Variants in ITGAX observed in about 807,000 individuals in gnomAD.
ITGAX encodes integrin alpha-X.
A neutral mutation model predicts 140.2 loss-of-function variants in ITGAX; 99 were observed. That is an observed-to-expected ratio of 0.71 (90% CI 0.60 to 0.83). The LOEUF is 0.83. Among genes scored for constraint, ITGAX ranks in the 40% least tolerant of loss-of-function variants. ITGAX has a pLI of 0.00. For synonymous variants in ITGAX, 631 were observed against 600.4 expected, an observed-to-expected ratio of 1.05 and a Z score of -0.75; for missense variants, 1,444 against 1,482.0, an observed-to-expected ratio of 0.97 and a Z score of 0.42.
chr16:31,362,313 G>A, intron 11 of ITGAX, 109 bp downstream of exon 11: 2 of 1,468,128 alleles, frequency 1.4e-6, no homozygotes, highest in Non-Finnish European at 1.8e-6. Flanking sequence ...GTGGGGTCCA[G>A]GCTTCTGGGG....
Position 31,380,389 on chromosome 16 carries a change from T to G in ITGAX, c.3174+10T>G. ...TGGCTGGGTCCGCCAGGTGTGTGGG[T>G]GCAACGACAGAGCCCCTGCCCCAGA... On this transcript the variant is annotated intron_variant, in intron 27 of 29. Transcript: ENST00000268296. 3 of 1,613,482 alleles carry G rather than the reference T, an allele frequency of 1.9e-6. No individual in the cohort carries two copies.
chr16:31,359,968 G>A lies in ITGAX; in HGVS notation c.610G>A (p.Glu204Lys), dbSNP rs1341042464. The part of the protein sequence containing the change: ...SNKFQTHFTF[E>K]EFRRSSNPLS... The stretch of plus-strand genomic sequence containing the variant: ...CAAATTCCAAACACACTTCACTTTC[G>A]AGGAATTCAGGCGCAGCTCAAACCC... The change falls in exon 7 of 30, where the codon GAG becomes AAG. Residue 204 changes from glutamate to lysine, a missense_variant. Coordinates refer to ENST00000268296, the MANE Select transcript of ITGAX (RefSeq NM_000887.5). The A allele has an allele frequency of 5.6e-6, 9 of 1,614,100 alleles. No homozygotes were observed. The highest frequency in any genetic ancestry group is 2.2e-5 in the East Asian group (1 of 44,878).
intron 28 of ITGAX, 82 bp from the exon 29 acceptor site, chr16:31,380,815 G>A (rs2081062442): frequency 1.5e-6 from 2 of 1,340,456 alleles, no homozygotes; most frequent in South Asian, 2.4e-5. Flanking sequence ...AGGAGGGGAG[G>A]GAGTTAAAGG....
chr16:31,364,316 TACTC>T (rs2080869177), intron 14 of ITGAX, among the ~76,000 whole-genome samples: 1 of 150,778 alleles, frequency 6.6e-6, no homozygotes. Flanking sequence ...TAGTCCCAAT[TACTC>T]GGGAGGCTGA....
intron 14 of ITGAX, among the ~76,000 whole-genome samples, chr16:31,367,133 C>G (rs1006117886): frequency 6.6e-6 from 1 of 152,054 alleles, no homozygotes; most frequent in Non-Finnish European, 1.5e-5. Flanking sequence ...GGCTGAGAGA[C>G]GTGAGGAAGC....
In ITGAX at chr16:31,373,366, C is replaced by T. The variant is rs11574641; in HGVS notation, c.2484C>T (p.Ser828=). 11,043 of 1,612,708 alleles carry T rather than the reference C, an allele frequency of 6.8e-3. 569 individuals are homozygous for T. The African/African-American group carries it at 0.12, about 17-fold the overall frequency. Residue 828 remains serine, a synonymous_variant, in exon 20 of 30, where the codon TCC becomes TCT. Transcript: ENST00000268296. The stretch of plus-strand genomic sequence containing the variant: ...CCTTCTCCCACCCCGCAGGACTGTC[C>T]TACCGCTACGTGGCAGAGGGCCAGG... ...TITFSHPAGL[S]YRYVAEGQKQ...
Position 31,377,071 on chromosome 16 carries a change from T to C in ITGAX, c.2697T>C (p.Asn899=). 2 of 1,614,218 alleles carry C rather than the reference T, an allele frequency of 1.2e-6. No individual in the cohort carries two copies. The highest frequency in any genetic ancestry group is 1.7e-6 in the Non-Finnish European group (2 of 1,180,032). ...VLGDRLLLTA[N]VSSENNTPRT... Reference sequence around the variant, plus strand: ...GAGACCGGCTGCTTCTGACAGCCAATGTGAGCAGGTGAGCCGGGCCAGGCC... The same window carrying C: ...GAGACCGGCTGCTTCTGACAGCCAACGTGAGCAGGTGAGCCGGGCCAGGCC... The change falls in exon 22 of 30, where the codon AAT becomes AAC. Residue 899 remains asparagine (N), a synonymous_variant. Transcript: ENST00000268296.
At chr16:31,357,171 A>T in intron 4 of ITGAX, 70 bp downstream of exon 4, 1 of 1,549,320 alleles carries the variant, frequency 6.5e-7, no homozygotes, top group Middle Eastern at 1.8e-4. Context: ...GGGGGCTGGG[A>T]GTCTCCTGTA....
chr16:31,359,643 C>G, intron 5 of ITGAX, 57 bp from the exon 6 acceptor site: 1 of 1,588,586 alleles, frequency 6.3e-7, no homozygotes, highest in South Asian at 1.1e-5. Flanking sequence ...GCCAGGAGGC[C>G]ACGGTCCTGG....
rs376523474 is a variant in ITGAX at position 31,359,789 on chromosome 16, G to A, written c.520G>A (p.Val174Met). The change falls in exon 6 of 30, where the codon GTG (valine) becomes ATG (methionine). Residue 174 changes from valine to methionine, a missense_variant. Transcript: ENST00000268296. ...SRNFATMMNFVRAVISQFQRP... is the reference protein window; with the variant it reads ...SRNFATMMNFMRAVISQFQRP... ...CAACTTTGCCACGATGATGAACTTC[G>A]TGAGAGCTGTGATAAGCCAGTTCCA... The A allele has an allele frequency of 4.3e-6, 7 of 1,614,056 alleles. No individual in the cohort carries two copies. The highest frequency in any genetic ancestry group is 2.2e-5 in the East Asian group (1 of 44,894).
intron 14 of ITGAX, among the ~76,000 whole-genome samples, chr16:31,368,686 T>C (rs557877994): frequency 3.3e-5 from 5 of 151,870 alleles, no homozygotes; most frequent in African/African-American, 7.3e-5. Context: ...AGGACAATAG[T>C]GGAGGGAAGG....
At position 31,357,331 on chromosome 16, in the gene ITGAX, C is replaced by A; in HGVS notation, c.397C>A (p.Gln133Lys). Residue 133 changes from glutamine (Q) to lysine (K), a missense_variant, in exon 5 of 30, where the codon CAG becomes AAG. Gln to Lys is a moderately conservative substitution (Grantham distance 53). Coordinates refer to ENST00000268296, the MANE Select transcript of ITGAX (RefSeq NM_000887.5). ...TGLCFLLGPT[Q>K]LTQRLPVSRQ... is the part of the protein sequence containing the mutation. ...ACTCTGCTTCCTCCTGGGCCCCACC[C>A]AGCTCACCCAGAGGCTCCCGGTGTC... 6.2e-7 allele frequency: 1 copy of A among 1,606,674 alleles called. No homozygotes were observed. Among genetic ancestry groups the A allele is most frequent in the Non-Finnish European group, 8.5e-7 (1 of 1,177,252 alleles).
rs1416603047 is a variant in ITGAX at position 31,363,285 on chromosome 16, A to C, written c.1621A>C (p.Ile541Leu). 14 of 1,613,844 alleles carry C rather than the reference A, an allele frequency of 8.7e-6. No individual in the cohort carries two copies. The highest frequency in any genetic ancestry group is 1.2e-5 in the Non-Finnish European group (14 of 1,179,916). The change falls in exon 14 of 30, where the codon ATC (isoleucine) becomes CTC (leucine). Residue 541 changes from isoleucine to leucine, a missense_variant. Ile to Leu is a conservative substitution (Grantham distance 5, BLOSUM62 2). Transcript: ENST00000268296. ...TGGGGACAAGCTGACAGACGTGGTC[A>C]TCGGGGCCCCAGGAGAGGAGGAGAA... ...VNGDKLTDVV[I>L]GAPGEEENRG...
At position 31,382,245 on chromosome 16, in the gene ITGAX, T is replaced by TGG; in HGVS notation, c.*338_*339insGG. On this transcript the variant is annotated 3_prime_UTR_variant, in exon 30 of 30. Coordinates refer to ENST00000268296, the MANE Select transcript of ITGAX (RefSeq NM_000887.5). Reference sequence around the variant, plus strand: ...TTTCCTTTCTTTTTTTTTTTTTTTCTTTTCTTTTTTTTTTTTTTGAGACGG... The same window carrying TGG: ...TTTCCTTTCTTTTTTTTTTTTTTTCTGGTTTCTTTTTTTTTTTTTTGAGACGG... The TGG allele has an allele frequency of 9.2e-7, 1 of 1,085,338 alleles. No homozygotes were observed. The highest frequency in any genetic ancestry group is 1.2e-6 in the Non-Finnish European group (1 of 855,384). The allele number at this position is 1,085,338 out of a possible 1,614,324, so 67.2% of individuals were successfully genotyped here. A position where few individuals can be genotyped will look rare whatever the true frequency, so the allele number is the denominator to read the frequency against.
At position 31,363,262 on chromosome 16, in the gene ITGAX, G is replaced by C. The variant is rs1161297741; in HGVS notation, c.1598G>C (p.Gly533Ala). The C allele has an allele frequency of 6.2e-7, 1 of 1,613,794 alleles. No homozygotes were observed. Among genetic ancestry groups the C allele is most frequent in the Non-Finnish European group, 8.5e-7 (1 of 1,179,878 alleles). Residue 533 changes from glycine to alanine, a missense_variant, in exon 14 of 30, where the codon GGG (glycine) becomes GCG (alanine). Coordinates refer to ENST00000268296, the MANE Select transcript of ITGAX (RefSeq NM_000887.5). ...AALTVLGDVN[G>A]DKLTDVVIGA... ...CTGACAGTGCTGGGGGATGTGAATG[G>C]GGACAAGCTGACAGACGTGGTCATC...
At chr16:31,355,325 A>G (rs2080746959) in intron 1 of ITGAX, 34 bp downstream of exon 1, 1 of 1,612,292 alleles carries the variant, frequency 6.2e-7, no homozygotes, top group Non-Finnish European at 8.5e-7. Flanking sequence ...AGGGCTGGGG[A>G]CCCAGGCCCA....
At chr16:31,377,120 G>C in intron 22 of ITGAX, 41 bp downstream of exon 22, 2 of 1,612,342 alleles carry the variant, frequency 1.2e-6, no homozygotes, top group Non-Finnish European at 1.7e-6. Flanking sequence ...CTCATCTCCA[G>C]CCTCACACCC....
chr16:31,357,478 A>T, intron 5 of ITGAX, 114 bp downstream of exon 5: 2 of 692,824 alleles, frequency 2.9e-6, no homozygotes, highest in Non-Finnish European at 4.8e-6. Flanking sequence ...CTGGAAAAAG[A>T]GTTACCACGT....
chr16:31,360,170 C>T (rs760753096), intron 7 of ITGAX, 105 bp downstream of exon 7: 83 of 1,527,414 alleles, frequency 5.4e-5, no homozygotes, highest in Non-Finnish European at 6.6e-5. Flanking sequence ...AAATCCAGCC[C>T]GTGATACCCT....
Sources: gnomAD v4.1 joint callset for allele counts (sites outside exome capture counted in the v4.1 genomes callset) on GRCh38, gnomAD v4.1.1 for gene constraint, MANE v1.5 for transcripts, NCBI Gene and HGNC (gene_info 2026-07-23, HGNC 2026-07-21) for gene names.